Variants in USH2A observed in about 807,000 individuals in gnomAD.
USH2A encodes the protein usherin.
USH2A carries 443 observed loss-of-function variants against 538.9 expected under a neutral mutation model. The observed-to-expected ratio is 0.82, with a 90% CI of 0.76 to 0.89. The LOEUF is 0.89. Ranked by LOEUF, USH2A falls within the 40% of genes least tolerant of loss-of-function variation. The pLI is 0.00. For synonymous variants in USH2A, 2,413 were observed against 2,273.5 expected, an observed-to-expected ratio of 1.06 and a Z score of -1.75; for missense variants, 6,633 against 6,324.8, an observed-to-expected ratio of 1.05 and a Z score of -1.65.
At chr1:215,860,091 T>C (rs1311543781) in intron 44 of USH2A, among the ~76,000 whole-genome samples, 1 of 152,230 alleles carries the variant, frequency 6.6e-6, no homozygotes, top group Non-Finnish European at 1.5e-5. Flanking sequence ...TCCACTCACC[T>C]TTTGACCTTC....
At chr1:215,714,555 C>T (rs1315262298) in intron 61 of USH2A, among the ~76,000 whole-genome samples, 1 of 152,106 alleles carries the variant, frequency 6.6e-6, no homozygotes, top group Non-Finnish European at 1.5e-5. Context: ...GGTTTTTTCC[C>T]TCTCTTTTTT....
intron 3 of USH2A, among the ~76,000 whole-genome samples, chr1:216,383,200 C>T (rs1005945520): frequency 2.0e-5 from 3 of 152,002 alleles, no homozygotes; most frequent in African/African-American, 4.8e-5. Context: ...AGCTCACAAA[C>T]GAAAGGGTAT....
rs769965528 is a variant in USH2A at position 215,625,790 on chromosome 1, G to A, written c.15600C>T (p.Thr5200=). The stretch of plus-strand genomic sequence containing the variant: ...TCTGGGTTTCCATCCTTTACAGGTG[G>A]GTGTCTGTGAATGTGGTGCGTTCCT... ...VTKERTTFTD[T]HL is the part of the protein sequence containing the mutation. Residue 5200 remains threonine, a synonymous_variant, in exon 72 of 72, where the codon ACC becomes ACT. Coordinates refer to ENST00000307340, the MANE Select transcript of USH2A (RefSeq NM_206933.4). The A allele has an allele frequency of 8.1e-6, 13 of 1,613,892 alleles. No homozygotes were observed. The highest frequency in any genetic ancestry group is 1.7e-5 in the Admixed American group (1 of 59,992).
chr1:215,783,920 T>G (rs1280576182), intron 52 of USH2A, among the ~76,000 whole-genome samples: 1 of 152,184 alleles, frequency 6.6e-6, no homozygotes, highest in East Asian at 1.9e-4. Flanking sequence ...TCTCCTTATA[T>G]ACATCTCCTT....
intron 44 of USH2A, among the ~76,000 whole-genome samples, chr1:215,861,301 A>T (rs1185566974): frequency 6.6e-6 from 1 of 152,242 alleles, no homozygotes; most frequent in African/African-American, 2.4e-5. Context: ...ATCATTTTAT[A>T]TTTAGTTAAA....
chr1:215,800,684 T>A (rs1662299935), intron 49 of USH2A, among the ~76,000 whole-genome samples: 1 of 152,148 alleles, frequency 6.6e-6, no homozygotes, highest in South Asian at 2.1e-4. Context: ...TAAACATAGA[T>A]ATATAAGGAG....
chr1:216,239,419 T>C (rs2035891867), intron 13 of USH2A, among the ~76,000 whole-genome samples: 3 of 151,844 alleles, frequency 2.0e-5, no homozygotes, highest in Non-Finnish European at 1.5e-5. Context: ...ATTCAGAAAA[T>C]ATATAGGGAG....
Position 216,200,086 on chromosome 1 carries a change from A to G in USH2A, c.3352T>C (p.Tyr1118His). Residue 1118 changes from tyrosine (Y) to histidine (H), a missense_variant, in exon 17 of 72, where the codon TAT becomes CAT. By Grantham distance (83) the Tyr-to-His change is moderately conservative. Transcript: ENST00000307340. ...QYFLDTDLLP[Y>H]TKYSYYIETT... ...TCAATGTAATAGGAATATTTGGTAT[A>G]TGGTAACAGGTCTGTGTCTAAGAAG... 2 of 1,613,538 alleles carry G rather than the reference A, an allele frequency of 1.2e-6. No individual in the cohort carries two copies. Among genetic ancestry groups the G allele is most frequent in the Non-Finnish European group, 1.7e-6 (2 of 1,179,764 alleles).
intron 3 of USH2A, among the ~76,000 whole-genome samples, chr1:216,365,320 A>G (rs1034831184): frequency 2.0e-5 from 3 of 152,158 alleles, no homozygotes; most frequent in Admixed American, 2.0e-4. Flanking sequence ...ACAGGTATAC[A>G]TAATAGTTTG....
At chr1:215,846,735 T>C (rs1663859955) in intron 44 of USH2A, among the ~76,000 whole-genome samples, 1 of 152,222 alleles carries the variant, frequency 6.6e-6, no homozygotes, top group African/African-American at 2.4e-5. Flanking sequence ...GAACAACTTC[T>C]GCTCATAAGT....
chr1:215,703,556 C>T (rs1411409019), intron 61 of USH2A, among the ~76,000 whole-genome samples: 4 of 152,158 alleles, frequency 2.6e-5, no homozygotes, highest in South Asian at 2.1e-4. Context: ...AGCGGCTTTG[C>T]GGTGCTGTGG....
chr1:216,170,532 C>T (rs1424696078), intron 21 of USH2A, among the ~76,000 whole-genome samples: 3 of 152,090 alleles, frequency 2.0e-5, no homozygotes, highest in African/African-American at 7.2e-5. Flanking sequence ...TCCCCAAAGG[C>T]AGTTCCTGAT....
chr1:215,915,315 C>G (rs1665923729), intron 38 of USH2A, among the ~76,000 whole-genome samples: 1 of 152,076 alleles, frequency 6.6e-6, no homozygotes, highest in Non-Finnish European at 1.5e-5. Flanking sequence ...CTACCTCTTC[C>G]CCATCCAACA....
At chr1:216,231,500 A>G (rs1173403375) in intron 14 of USH2A, among the ~76,000 whole-genome samples, 2 of 151,026 alleles carry the variant, frequency 1.3e-5, no homozygotes, top group Non-Finnish European at 2.9e-5. Flanking sequence ...ATTAGCATAC[A>G]TTAAGTAAAT....
chr1:215,970,829 G>A lies in USH2A; in HGVS notation c.6806-53C>T. ...ATGACTACTAGACAATAGCAAAGAA[G>A]GTCTTAAGAAAGCAAGCACTCTTGA... On this transcript the variant is annotated intron_variant, in intron 35 of 71. Coordinates refer to ENST00000307340, the MANE Select transcript of USH2A (RefSeq NM_206933.4). 1.9e-6 allele frequency: 3 copies of A among 1,577,774 alleles called. No individual in the cohort carries two copies. In the South Asian group the frequency reaches 3.3e-5, roughly 18 times the overall value.
At chr1:215,729,994 A>G (rs2102715338) in intron 60 of USH2A, among the ~76,000 whole-genome samples, 1 of 152,340 alleles carries the variant, frequency 6.6e-6, no homozygotes, top group East Asian at 1.9e-4. Context: ...GGTAAAATGC[A>G]GAGTATGACC....
chr1:216,167,356 A>AAC lies in USH2A; in HGVS notation c.4627+7894_4627+7895dup, dbSNP rs546567713. Among the ~76,000 whole-genome samples the AAC allele has an allele frequency of 1.8e-3, 271 of 152,250 alleles. 1 individual carries two copies. The highest frequency in any genetic ancestry group is 6.1e-3 in the African/African-American group (255 of 41,548). Reference sequence around the variant, plus strand: ...GAAAGGCAGTCTCCCTATAGATAGAAACACCTGAGACGGGTGATCAGCAGC... The same window carrying AAC: ...GAAAGGCAGTCTCCCTATAGATAGAAACACACCTGAGACGGGTGATCAGCAGC... On this transcript the variant is annotated intron_variant, in intron 21 of 71. Transcript: ENST00000307340.
At chr1:216,019,736 T>TG (rs1393619354) in intron 32 of USH2A, among the ~76,000 whole-genome samples, 1 of 152,164 alleles carries the variant, frequency 6.6e-6, no homozygotes, top group African/African-American at 2.4e-5. Context: ...TAAAATGTCT[T>TG]GCAGTTTAAT....
At chr1:215,732,747 T>C (rs2102717906) in intron 60 of USH2A, among the ~76,000 whole-genome samples, 1 of 151,858 alleles carries the variant, frequency 6.6e-6, no homozygotes, top group Middle Eastern at 3.4e-3. Flanking sequence ...TTCACTGTGT[T>C]AGCCAGGATG....
Sources: allele counts gnomAD v4.1 joint callset (sites outside exome capture counted in the v4.1 genomes callset), GRCh38; gene constraint gnomAD v4.1.1; transcripts MANE v1.5; gene names NCBI Gene and HGNC (gene_info 2026-07-23, HGNC 2026-07-21).